Variants in RPSA2 observed in about 807,000 individuals in gnomAD.
RPSA2 encodes the protein small ribosomal subunit protein uS2B.
chr19:23,775,152 G>C, the RPSA2 span, among the ~76,000 whole-genome samples: 1 of 152,180 alleles, frequency 6.6e-6, no homozygotes, highest in Non-Finnish European at 1.5e-5. Flanking sequence ...GTCCTAACAG[G>C]TTGCAGAAAA....
At chr19:23,840,337 A>T in the RPSA2 span, among the ~76,000 whole-genome samples, 2 of 152,190 alleles carry the variant, frequency 1.3e-5, no homozygotes, top group African/African-American at 2.4e-5. Context: ...CTTCTTACAT[A>T]TCACAAATAG....
At chr19:23,773,286 A>C in the RPSA2 span, among the ~76,000 whole-genome samples, 2 of 33,040 alleles carry the variant, frequency 6.1e-5, no homozygotes, top group Non-Finnish European at 1.2e-4. Context: ...ATATATATAT[A>C]TCAAATTTTT....
At chr19:23,829,156 C>T in the RPSA2 span, among the ~76,000 whole-genome samples, 1 of 152,342 alleles carries the variant, frequency 6.6e-6, no homozygotes, top group South Asian at 2.1e-4. Flanking sequence ...ATGTCTACTT[C>T]CATCCTGCCA....
the RPSA2 span, among the ~76,000 whole-genome samples, chr19:23,845,954 T>C: frequency 1.3e-5 from 2 of 152,202 alleles, no homozygotes; most frequent in African/African-American, 4.8e-5. Flanking sequence ...GGGAGTACTT[T>C]GTTGATTTGC....
chr19:23,846,735 C>A, the RPSA2 span, among the ~76,000 whole-genome samples: 14,636 of 152,164 alleles, frequency 0.096, 966 homozygotes, highest in South Asian at 0.18. Flanking sequence ...TGCTTTTAGT[C>A]TGATGTGGTT....
chr19:23,833,280 C>T, the RPSA2 span: 5 of 808,434 alleles, frequency 6.2e-6, no homozygotes, highest in Admixed American at 1.9e-4. Context: ...CATAAGATAA[C>T]TTATATTGAA....
chr19:23,799,500 T>C, the RPSA2 span: 13 of 152,294 alleles, frequency 8.5e-5, no homozygotes, highest in Non-Finnish European at 1.6e-4. Flanking sequence ...CTCTTTGATG[T>C]GACACTAAAG....
chr19:23,772,274 C>G, the RPSA2 span, among the ~76,000 whole-genome samples: 1 of 152,154 alleles, frequency 6.6e-6, no homozygotes, highest in Admixed American at 6.5e-5. Flanking sequence ...ACTCTGTTGC[C>G]TGTGCTGTGC....
At chr19:23,824,034 G>C in the RPSA2 span, 1 of 152,274 alleles carries the variant, frequency 6.6e-6, no homozygotes, top group African/African-American at 2.4e-5. Flanking sequence ...GTGCACACTG[G>C]CTCAGTGGAT....
chr19:23,866,255 G>T, the RPSA2 span, among the ~76,000 whole-genome samples: 6 of 152,118 alleles, frequency 3.9e-5, no homozygotes, highest in African/African-American at 1.4e-4. Flanking sequence ...ACAATTTATC[G>T]CATGGCTGCA....
chr19:23,838,318 C>T, the RPSA2 span, among the ~76,000 whole-genome samples: 37 of 151,784 alleles, frequency 2.4e-4, no homozygotes, highest in Admixed American at 1.3e-3. Flanking sequence ...ATCTTTTTGA[C>T]ATGTTGGATT....
the RPSA2 span, chr19:23,819,090 A>AG: frequency 6.6e-6 from 1 of 152,172 alleles, no homozygotes; most frequent in Non-Finnish European, 1.5e-5. Flanking sequence ...CTAGAGGAGG[A>AG]GGTTGAGCAA....
the RPSA2 span, among the ~76,000 whole-genome samples, chr19:23,763,554 C>T: frequency 1.3e-5 from 2 of 152,196 alleles, no homozygotes; most frequent in African/African-American, 4.8e-5. Context: ...CGGCAACCTC[C>T]GCCTCTCAGG....
chr19:23,858,741 T>C, the RPSA2 span, among the ~76,000 whole-genome samples: 29 of 152,332 alleles, frequency 1.9e-4, no homozygotes, highest in South Asian at 8.3e-4. Context: ...CATCTTCCCT[T>C]GTCTTTGTAA....
the RPSA2 span, among the ~76,000 whole-genome samples, chr19:23,763,992 A>G: frequency 1.2e-4 from 19 of 152,292 alleles, no homozygotes; most frequent in Admixed American, 1.1e-3. Flanking sequence ...TTTCCTGGTT[A>G]TGTAATCAGA....
the RPSA2 span, among the ~76,000 whole-genome samples, chr19:23,812,239 T>G: frequency 6.6e-6 from 1 of 152,148 alleles, no homozygotes; most frequent in Non-Finnish European, 1.5e-5. Flanking sequence ...GTTTGTATAC[T>G]TTAAGTTAAT....
At chr19:23,841,496 G>A in the RPSA2 span, among the ~76,000 whole-genome samples, 2 of 152,136 alleles carry the variant, frequency 1.3e-5, no homozygotes, top group Non-Finnish European at 2.9e-5. Context: ...ATTATTAACA[G>A]GTACTTTGGA....
the RPSA2 span, among the ~76,000 whole-genome samples, chr19:23,841,338 C>A: frequency 2.0e-5 from 3 of 152,110 alleles, no homozygotes; most frequent in Non-Finnish European, 4.4e-5. Context: ...GTGGTGGGCA[C>A]CTGTAGTCCC....
the RPSA2 span, chr19:23,842,554 G>A: frequency 6.7e-6 from 1 of 150,266 alleles, no homozygotes; most frequent in South Asian, 2.1e-4. Flanking sequence ...TTTAGGAAAT[G>A]TTAACTTTCA....
Sources: gnomAD v4.1 joint callset for allele counts (sites outside exome capture counted in the v4.1 genomes callset) on GRCh38, gnomAD v4.1.1 for gene constraint, MANE v1.5 for transcripts, NCBI Gene and HGNC (gene_info 2026-07-23, HGNC 2026-07-21) for gene names.